The following TSPAN7 variants were observed in gnomAD, a reference collection of about 807,000 sequenced individuals.
The protein encoded by TSPAN7 is tetraspanin-7.
Under a neutral mutation model 17.6 loss-of-function variants are expected in TSPAN7, and 1 was observed. That is an observed-to-expected ratio of 0.06 (90% CI 0.02 to 0.27). The LOEUF (loss-of-function observed/expected upper bound fraction) is 0.27. TSPAN7 is among the 10% of genes least tolerant of loss of function. TSPAN7 has a pLI of 1.00. For missense variants in TSPAN7, 112 were observed against 201.7 expected, an observed-to-expected ratio of 0.56 and a Z score of 2.69; for synonymous variants, 78 against 79.0, an observed-to-expected ratio of 0.99 and a Z score of 0.07.
At chrX:38,621,950 A>C (rs1202174958) in intron 1 of TSPAN7, among the ~76,000 whole-genome samples, 5 of 112,475 alleles carry the variant, frequency 4.4e-5, no homozygotes, top group Non-Finnish European at 7.5e-5. Flanking sequence ...TATGCTGTAT[A>C]TAAGTAACTT....
intron 1 of TSPAN7, among the ~76,000 whole-genome samples, chrX:38,638,434 G>A (rs2069594116): frequency 8.9e-6 from 1 of 112,272 alleles, no homozygotes; most frequent in African/African-American, 3.2e-5. Flanking sequence ...TGCTCATAGT[G>A]AGGGTAAGTA....
At chrX:38,571,383 A>G (rs1382580813) in intron 1 of TSPAN7, among the ~76,000 whole-genome samples, 1 of 111,620 alleles carries the variant, frequency 9.0e-6, no homozygotes, top group East Asian at 2.8e-4. Flanking sequence ...ATGCTAAAAT[A>G]TGCTCCCAGG....
chrX:38,644,858 C>T (rs1602110980), intron 1 of TSPAN7, among the ~76,000 whole-genome samples: 1 of 112,149 alleles, frequency 8.9e-6, no homozygotes, highest in African/African-American at 3.2e-5. Context: ...GGCAGGTACT[C>T]GATCATCATT....
intron 1 of TSPAN7, among the ~76,000 whole-genome samples, chrX:38,591,718 T>C (rs2069292905): frequency 8.9e-6 from 1 of 112,244 alleles, no homozygotes; most frequent in Non-Finnish European, 1.9e-5. Flanking sequence ...TTAGGATTGT[T>C]ATGTCCTTGT....
intron 1 of TSPAN7, among the ~76,000 whole-genome samples, chrX:38,606,070 T>C (rs902690272): frequency 1.8e-5 from 2 of 108,922 alleles, no homozygotes; most frequent in Non-Finnish European, 3.8e-5. Flanking sequence ...AGGGATCTAA[T>C]TAAACTAAAG....
chrX:38,561,994 T>C (rs1419709550), intron 1 of TSPAN7, among the ~76,000 whole-genome samples: 2 of 112,847 alleles, frequency 1.8e-5, no homozygotes, highest in Non-Finnish European at 3.8e-5. Flanking sequence ...TACACCTTTC[T>C]CTCCCTTCCC....
Position 38,628,443 on chromosome X carries a change from T to G in TSPAN7, c.82-37678T>G, listed in dbSNP as rs1476767881. On this transcript the variant is annotated intron_variant, in intron 1 of 7. Coordinates refer to ENST00000378482, the MANE Select transcript of TSPAN7 (RefSeq NM_004615.4). ...AAAAACAACTCCAGTCCTCTTTTAC[T>G]GAGCAGGGAAAGAGTCCTTACCGGT... Among the ~76,000 whole-genome samples the G allele has an allele frequency of 2.7e-5, 3 of 112,383 alleles. No individual in the cohort carries two copies. In the South Asian group the frequency reaches 1.1e-3, roughly 41 times the overall value.
At chrX:38,647,136 C>A (rs2069649472) in intron 1 of TSPAN7, among the ~76,000 whole-genome samples, 1 of 112,459 alleles carries the variant, frequency 8.9e-6, no homozygotes, top group Non-Finnish European at 1.9e-5. Flanking sequence ...GCTTACTACT[C>A]TTTTAACACA....
intron 1 of TSPAN7, among the ~76,000 whole-genome samples, chrX:38,639,135 C>T (rs116094366): frequency 1.3e-3 from 144 of 111,269 alleles, no homozygotes; most frequent in African/African-American, 4.6e-3. Flanking sequence ...AGGGACTTCT[C>T]GTGTGATAAT....
intron 1 of TSPAN7, chrX:38,622,895 T>A (rs1198737907): frequency 3.0e-6 from 1 of 330,149 alleles, no homozygotes; most frequent in Non-Finnish European, 5.9e-6. Flanking sequence ...TCTGTTTGTT[T>A]GGGATAGCCT....
intron 1 of TSPAN7, among the ~76,000 whole-genome samples, chrX:38,658,723 C>T (rs2069720779): frequency 1.8e-5 from 2 of 111,034 alleles, no homozygotes; most frequent in African/African-American, 6.6e-5. Flanking sequence ...TCACTTCTGG[C>T]CTCAGCCCTC....
intron 1 of TSPAN7, among the ~76,000 whole-genome samples, chrX:38,597,794 T>C (rs1189570162): frequency 9.0e-6 from 1 of 111,631 alleles, no homozygotes; most frequent in Non-Finnish European, 1.9e-5. Context: ...GGTGTCACAT[T>C]TTCTCTTCTG....
chrX:38,681,412 C>T (rs1023964933), intron 6 of TSPAN7, 125 bp downstream of exon 6: 1 of 568,741 alleles, frequency 1.8e-6, no homozygotes, highest in African/African-American at 2.2e-5. Context: ...AAGCTCCTTG[C>T]TCATTAGTCC....
At chrX:38,607,871 A>G (rs1337385522) in intron 1 of TSPAN7, among the ~76,000 whole-genome samples, 1 of 109,744 alleles carries the variant, frequency 9.1e-6, no homozygotes, top group Non-Finnish European at 1.9e-5. Context: ...GGAAAAAAAA[A>G]AAAAAAAGGT....
intron 1 of TSPAN7, among the ~76,000 whole-genome samples, chrX:38,660,041 G>T (rs1377385502): frequency 9.2e-6 from 1 of 108,835 alleles, no homozygotes; most frequent in East Asian, 2.9e-4. Flanking sequence ...TGGCCAGGCT[G>T]GTCTCGAACT....
chrX:38,651,490 G>A (rs2069676033), intron 1 of TSPAN7, among the ~76,000 whole-genome samples: 1 of 111,807 alleles, frequency 8.9e-6, no homozygotes, highest in Admixed American at 9.4e-5. Context: ...GTCATAAGAG[G>A]TATGTGGAAA....
chrX:38,605,459 C>A (rs2069374462), intron 1 of TSPAN7, among the ~76,000 whole-genome samples: 1 of 110,891 alleles, frequency 9.0e-6, no homozygotes, highest in African/African-American at 3.3e-5. Context: ...TAGGAAGAAT[C>A]AATATCGTGA....
intron 1 of TSPAN7, among the ~76,000 whole-genome samples, chrX:38,583,873 G>A (rs1042589391): frequency 9.1e-6 from 1 of 109,811 alleles, no homozygotes; most frequent in African/African-American, 3.3e-5. Flanking sequence ...TGACAGCATC[G>A]CCAGATTTAC....
chrX:38,640,211 G>A (rs747861725), intron 1 of TSPAN7, among the ~76,000 whole-genome samples: 1 of 111,455 alleles, frequency 9.0e-6, no homozygotes, highest in Non-Finnish European at 1.9e-5. Context: ...AATGTTTAGG[G>A]TGCCTTTCTT....
Sources: gnomAD v4.1 joint callset for allele counts (sites outside exome capture counted in the v4.1 genomes callset) on GRCh38, gnomAD v4.1.1 for gene constraint, MANE v1.5 for transcripts, NCBI Gene and HGNC (gene_info 2026-07-23, HGNC 2026-07-21) for gene names.